Variants in DENND5B observed in about 807,000 individuals in gnomAD.
The protein encoded by DENND5B is DENN domain-containing protein 5B.
A neutral mutation model predicts 140.6 loss-of-function variants in DENND5B; 34 were observed. That is an observed-to-expected ratio of 0.24 (90% confidence interval 0.18 to 0.32). DENND5B has a LOEUF of 0.32. DENND5B is among the 10% of genes least tolerant of loss of function. The pLI is 1.00. For missense variants in DENND5B, 1,142 were observed against 1,560.2 expected (o/e 0.73, Z 4.52); for synonymous variants, 551 against 562.1 (o/e 0.98, Z 0.28).
intron 7 of DENND5B, among the ~76,000 whole-genome samples, chr12:31,436,906 A>C (rs1474760524): frequency 6.6e-6 from 1 of 152,148 alleles, no homozygotes; most frequent in Non-Finnish European, 1.5e-5. Context: ...TTTGTCCATG[A>C]AGTTTTCTCC....
At chr12:31,462,939 ACAGTGAGACTCCGTCT>A (rs1945085791) in intron 3 of DENND5B, among the ~76,000 whole-genome samples, 1 of 150,840 alleles carries the variant, frequency 6.6e-6, no homozygotes, top group Admixed American at 6.6e-5. Context: ...AGCCTGGGCA[ACAGTGAGACTCCGTCT>A]CAGAAAAAAA....
chr12:31,401,592 A>C (rs1196630411), intron 15 of DENND5B, among the ~76,000 whole-genome samples: 2 of 152,154 alleles, frequency 1.3e-5, no homozygotes, highest in South Asian at 2.1e-4. Flanking sequence ...TTCACCAAGT[A>C]AGACTGAAAA....
At chr12:31,440,631 C>G (rs1446473467) in intron 7 of DENND5B, among the ~76,000 whole-genome samples, 1 of 152,098 alleles carries the variant, frequency 6.6e-6, no homozygotes, top group Non-Finnish European at 1.5e-5. Flanking sequence ...GTTGAGACAG[C>G]CTTTTAAATG....
At chr12:31,568,566 G>A (rs188176438) in intron 1 of DENND5B, among the ~76,000 whole-genome samples, 1 of 152,176 alleles carries the variant, frequency 6.6e-6, no homozygotes, top group South Asian at 2.1e-4. Context: ...AAGGCTAGAG[G>A]AGGAAAGTTA....
chr12:31,586,341 C>T (rs1950392326), intron 1 of DENND5B, among the ~76,000 whole-genome samples: 1 of 152,040 alleles, frequency 6.6e-6, no homozygotes, highest in South Asian at 2.1e-4. Flanking sequence ...TCCCAAAGGA[C>T]GTTTTGTTCA....
At chr12:31,405,837 C>A (rs1002164712) in intron 14 of DENND5B, among the ~76,000 whole-genome samples, 1 of 148,798 alleles carries the variant, frequency 6.7e-6, no homozygotes, top group Non-Finnish European at 1.5e-5. Flanking sequence ...TGAGCCATCG[C>A]ACCTGGCCAC....
At chr12:31,474,420 T>C (rs1945698304) in intron 3 of DENND5B, among the ~76,000 whole-genome samples, 1 of 152,234 alleles carries the variant, frequency 6.6e-6, no homozygotes, top group South Asian at 2.1e-4. Context: ...ATTTCTGATC[T>C]GGGGTCCTAG....
chr12:31,472,488 C>T (rs1057414436), intron 3 of DENND5B, among the ~76,000 whole-genome samples: 1 of 152,136 alleles, frequency 6.6e-6, no homozygotes, highest in Non-Finnish European at 1.5e-5. Context: ...GACAGGGTTT[C>T]CCTATGTTGG....
intron 2 of DENND5B, among the ~76,000 whole-genome samples, chr12:31,494,177 TATCTATCC>T (rs1201235062): frequency 0.055 from 4,450 of 81,230 alleles, 165 homozygotes; most frequent in African/African-American, 0.15. Context: ...TCTATCTATC[TATCTATCC>T]ATCCATCCAT....
chr12:31,411,407 C>T (rs1215381825), intron 13 of DENND5B, among the ~76,000 whole-genome samples: 1 of 140,604 alleles, frequency 7.1e-6, no homozygotes, highest in Non-Finnish European at 1.5e-5. Flanking sequence ...TGCAGTGGCG[C>T]GATCTCGGCT....
Position 31,467,467 on chromosome 12 carries a change from GAAA to G in DENND5B, c.905-7089_905-7087del, listed in dbSNP as rs915327265. On this transcript the variant is annotated intron_variant, in intron 3 of 20. Transcript: ENST00000389082. ...AGTGAGACCCCCATCTCTACAAAAA[GAAA>G]AAAAAAAAGTAAGAAAAAAATTAGC... 2.1e-5 allele frequency among the ~76,000 whole-genome samples: 3 copies of G among 142,792 alleles called. No homozygotes were observed. The South Asian group carries it at 6.7e-4, about 32-fold the overall frequency. 93.7% of individuals were successfully genotyped at this position (142,792 alleles called of 152,430 possible).
chr12:31,491,553 GAAGGGA>G (rs1393217438), intron 2 of DENND5B, among the ~76,000 whole-genome samples: 1 of 152,078 alleles, frequency 6.6e-6, no homozygotes, highest in Admixed American at 6.6e-5. Context: ...AGAAAGGGAG[GAAGGGA>G]AAGGGAAAGG....
chr12:31,396,794 G>GT (rs1162613636), intron 17 of DENND5B, among the ~76,000 whole-genome samples: 4 of 151,880 alleles, frequency 2.6e-5, no homozygotes, highest in Non-Finnish European at 2.9e-5. Flanking sequence ...GTTAATTTTT[G>GT]TTTTTTTAGT....
At chr12:31,500,480 G>A in intron 1 of DENND5B, 2 of 427,702 alleles carry the variant, frequency 4.7e-6, no homozygotes, top group Non-Finnish European at 9.2e-6. Flanking sequence ...AGGAGTTCGA[G>A]ACCAGCCTGA....
intron 11 of DENND5B, among the ~76,000 whole-genome samples, chr12:31,421,489 T>C (rs766072530): frequency 2.0e-5 from 3 of 152,228 alleles, no homozygotes; most frequent in Non-Finnish European, 1.5e-5. Context: ...TTACAACTTA[T>C]TACTTAAGAA....
At position 31,416,922 on chromosome 12, in the gene DENND5B, CTTTTTTTT is replaced by C. The variant is rs34652580; in HGVS notation, c.2471-1482_2471-1475del. Among the ~76,000 whole-genome samples the C allele has an allele frequency of 3.1e-5, 4 of 130,328 alleles. No homozygotes were observed. The Admixed American group carries it at 3.2e-4, about 11-fold the overall frequency. The allele number at this position is 130,328 out of a possible 152,430, so 85.5% of individuals were successfully genotyped here. A position where few individuals can be genotyped will look rare whatever the true frequency, so the allele number is the denominator to read the frequency against. ...TATATGTCTTTTTTTTTTTAATTAG[CTTTTTTTT>C]TTTTTTTTAAATCAGCTGAGCATGG... On this transcript the variant is annotated intron_variant, in intron 11 of 20. Transcript: ENST00000389082.
intron 1 of DENND5B, among the ~76,000 whole-genome samples, chr12:31,561,083 G>A (rs180827332): frequency 2.0e-5 from 3 of 152,184 alleles, no homozygotes; most frequent in Admixed American, 6.5e-5. Context: ...TATGTTCAGG[G>A]ATTTAAAAAG....
At chr12:31,590,425 G>A (rs1950577516) in intron 1 of DENND5B, 2 of 232,580 alleles carry the variant, frequency 8.6e-6, no homozygotes, top group East Asian at 1.6e-4. Context: ...AGGGGCCGGC[G>A]CGCCAGGCGG....
chr12:31,554,225 T>G (rs1191501485), intron 1 of DENND5B, among the ~76,000 whole-genome samples: 21 of 149,000 alleles, frequency 1.4e-4, no homozygotes, highest in African/African-American at 2.5e-4. Context: ...CCATGTTTAG[T>G]GCTTCCTTCA....
Sources: allele counts gnomAD v4.1 joint callset (sites outside exome capture counted in the v4.1 genomes callset), GRCh38; gene constraint gnomAD v4.1.1; transcripts MANE v1.5; gene names NCBI Gene and HGNC (gene_info 2026-07-23, HGNC 2026-07-21).